SHISA9: variants seen among roughly 807,000 people sequenced by gnomAD.
SHISA9 encodes protein shisa-9.
Under a neutral mutation model 38.0 loss-of-function variants are expected in SHISA9, and 13 were observed. The observed-to-expected ratio is 0.34, with a 90% CI of 0.22 to 0.54. The LOEUF is 0.54. Ranked by LOEUF, SHISA9 falls within the 20% of genes least tolerant of loss-of-function variation. The probability of loss-of-function intolerance (pLI) is 0.91; values close to 1 mark genes in which losing one functional copy is unlikely to be tolerated. For synonymous variants in SHISA9, 275 were observed against 242.0 expected, an observed-to-expected ratio of 1.14 and a Z score of -1.27; for missense variants, 538 against 575.8, an observed-to-expected ratio of 0.93 and a Z score of 0.67.
At chr16:13,295,679 C>A in the SHISA9 span, among the ~76,000 whole-genome samples, 2 of 152,204 alleles carry the variant, frequency 1.3e-5, no homozygotes, top group East Asian at 3.9e-4. Flanking sequence ...TGTCAGGTGC[C>A]AACCAGCTGT....
chr16:13,434,755 A>G, the SHISA9 span, among the ~76,000 whole-genome samples: 1 of 152,114 alleles, frequency 6.6e-6, no homozygotes, highest in African/African-American at 2.4e-5. Context: ...AGTACTCAAT[A>G]ATTCTCATTA....
intron 3 of SHISA9, among the ~76,000 whole-genome samples, chr16:13,210,436 A>C (rs901330200): frequency 6.6e-5 from 10 of 151,972 alleles, no homozygotes; most frequent in African/African-American, 2.4e-4. Flanking sequence ...CTAATTCAAA[A>C]TTTTAATTTT....
chr16:13,473,812 T>TG, the SHISA9 span, among the ~76,000 whole-genome samples: 2,872 of 152,224 alleles, frequency 0.019, 90 homozygotes, highest in African/African-American at 0.066. Context: ...TTTGTGTGTG[T>TG]TCTTTTTTAA....
intron 2 of SHISA9, among the ~76,000 whole-genome samples, chr16:12,953,923 C>G (rs979274802): frequency 6.6e-6 from 1 of 152,172 alleles, no homozygotes; most frequent in African/African-American, 2.4e-5. Flanking sequence ...CTTGTGAGAA[C>G]TCACTCACTG....
chr16:13,537,077 A>G, the SHISA9 span, among the ~76,000 whole-genome samples: 20 of 152,226 alleles, frequency 1.3e-4, no homozygotes, highest in African/African-American at 3.9e-4. Context: ...ATGACCTAAA[A>G]TCCTGGAAAA....
chr16:13,476,210 C>T, the SHISA9 span, among the ~76,000 whole-genome samples: 2 of 152,120 alleles, frequency 1.3e-5, no homozygotes, highest in African/African-American at 4.8e-5. Flanking sequence ...ACTCCCCTGC[C>T]CCAGACTTTC....
In SHISA9 at chr16:12,918,115, A is replaced by G. The variant is rs371658157; in HGVS notation, c.691+1300A>G. Among the ~76,000 whole-genome samples the G allele has an allele frequency of 1.4e-3, 215 of 152,330 alleles. 1 individual carries two copies. The highest frequency in any genetic ancestry group is 4.8e-3 in the African/African-American group (201 of 41,574). ...AACATTATTAGTGAACTGGATCACA[A>G]AAGGGTATGAGAAATAGCAACATTT... On this transcript the variant is annotated intron_variant, in intron 2 of 4. Transcript: ENST00000558583.
chr16:12,943,988 ATTC>A lies in SHISA9; in HGVS notation c.691+27176_691+27178del, dbSNP rs139480538. Among the ~76,000 whole-genome samples, 444 of 152,198 alleles carry A rather than the reference ATTC, an allele frequency of 2.9e-3. 6 individuals carry two copies. Among genetic ancestry groups the A allele is most frequent in the Admixed American group, 0.02 (303 of 15,284 alleles). On this transcript the variant is annotated intron_variant, in intron 2 of 4. Coordinates refer to ENST00000558583, the MANE Select transcript of SHISA9 (RefSeq NM_001145204.3). ...CACTATTGATATCTTGGGTCAGACAATTCTTTGTTGTGGGGCTGCTGGTGCATT... is the reference window on the plus strand; with the variant it reads ...CACTATTGATATCTTGGGTCAGACAATTTGTTGTGGGGCTGCTGGTGCATT...
At chr16:13,483,061 A>T in the SHISA9 span, among the ~76,000 whole-genome samples, 8 of 152,188 alleles carry the variant, frequency 5.3e-5, no homozygotes, top group South Asian at 2.1e-4. Context: ...TTTGGCTCTG[A>T]GGGGTGGTGG....
intron 2 of SHISA9, among the ~76,000 whole-genome samples, chr16:13,083,035 G>A (rs935941854): frequency 3.6e-4 from 55 of 152,180 alleles, no homozygotes; most frequent in African/African-American, 1.2e-3. Flanking sequence ...ATGTGTGTTT[G>A]TGCACCCAGC....
chr16:13,250,562 T>A, the SHISA9 span, among the ~76,000 whole-genome samples: 1 of 152,202 alleles, frequency 6.6e-6, no homozygotes, highest in African/African-American at 2.4e-5. Context: ...TTAGGACTCC[T>A]CTGACGCTCT....
rs769809325 is a variant in SHISA9 at position 12,982,531 on chromosome 16, C to T, written c.691+65716C>T. Among the ~76,000 whole-genome samples, 35 of 152,306 alleles carry T rather than the reference C, an allele frequency of 2.3e-4. 1 individual carries two copies. The highest frequency in any genetic ancestry group is 3.4e-3 in the Middle Eastern group (1 of 294). Reference sequence around the variant, plus strand: ...CATTCTCCTTTACATTCTCTATCCTCCCATTTTACCCAATTCCCTGAAGTC... The same window carrying T: ...CATTCTCCTTTACATTCTCTATCCTTCCATTTTACCCAATTCCCTGAAGTC... On this transcript the variant is annotated intron_variant, in intron 2 of 4. Coordinates refer to ENST00000558583, the MANE Select transcript of SHISA9 (RefSeq NM_001145204.3).
At chr16:13,507,189 T>G in the SHISA9 span, among the ~76,000 whole-genome samples, 1 of 151,760 alleles carries the variant, frequency 6.6e-6, no homozygotes. Context: ...TAATAATATT[T>G]TTTATATTAT....
chr16:13,046,620 C>G (rs960794849), intron 2 of SHISA9, among the ~76,000 whole-genome samples: 1 of 152,174 alleles, frequency 6.6e-6, no homozygotes, highest in African/African-American at 2.4e-5. Flanking sequence ...CCTCCCTCTG[C>G]CTAAAGCCAT....
chr16:13,272,097 G>C, the SHISA9 span, among the ~76,000 whole-genome samples: 9 of 151,190 alleles, frequency 6.0e-5, no homozygotes, highest in Non-Finnish European at 7.4e-5. Context: ...AAAAAAGAGA[G>C]AGAGAAAATG....
At chr16:13,437,301 C>T in the SHISA9 span, among the ~76,000 whole-genome samples, 1 of 152,142 alleles carries the variant, frequency 6.6e-6, no homozygotes, top group Non-Finnish European at 1.5e-5. Context: ...AAAGGCTCCC[C>T]TCCCACTCTA....
At chr16:13,493,226 T>C in the SHISA9 span, among the ~76,000 whole-genome samples, 3 of 150,672 alleles carry the variant, frequency 2.0e-5, no homozygotes, top group Non-Finnish European at 4.4e-5. Flanking sequence ...TCATCATCAG[T>C]TGGAGGAGAA....
chr16:12,934,353 A>G (rs961659439), intron 2 of SHISA9, among the ~76,000 whole-genome samples: 11 of 152,206 alleles, frequency 7.2e-5, no homozygotes, highest in Non-Finnish European at 1.5e-4. Flanking sequence ...TCCATTGAAC[A>G]CTAGTCCTTT....
the SHISA9 span, among the ~76,000 whole-genome samples, chr16:13,414,567 A>G: frequency 2.0e-5 from 3 of 152,150 alleles, 1 homozygote; most frequent in Admixed American, 1.3e-4. Flanking sequence ...TATAGCTAGG[A>G]AGCGGACATG....
Sources: allele counts gnomAD v4.1 joint callset (sites outside exome capture counted in the v4.1 genomes callset), GRCh38; gene constraint gnomAD v4.1.1; transcripts MANE v1.5; gene names NCBI Gene and HGNC (gene_info 2026-07-23, HGNC 2026-07-21).